The following RASSF6 variants were observed in gnomAD, a reference collection of about 807,000 sequenced individuals.
RASSF6 encodes the protein Ras association domain family member 6.
Under a neutral mutation model 44.0 loss-of-function variants are expected in RASSF6, and 52 were observed. The observed-to-expected ratio is 1.18, with a 90% CI of 0.95 to 1.49. The LOEUF is 1.49. RASSF6 is among the 40% of genes most tolerant of loss of function. RASSF6 has a pLI of 0.00. For synonymous variants in RASSF6, 162 were observed against 124.6 expected (o/e 1.30, Z -2.00); for missense variants, 464 against 393.3 (o/e 1.18, Z -1.52).
chr4:73,611,671 C>T lies in RASSF6; in HGVS notation c.65+60G>A, dbSNP rs371714116. On this transcript the variant is annotated intron_variant, in intron 2 of 10. Transcript: ENST00000307439. ...ATACATCATGCTTAGAAAACTTTGA[C>T]GGTATATTCCACAAATGACTGGTGA... 2.9e-4 allele frequency: 300 copies of T among 1,046,572 alleles called. 1 individual carries two copies. In the African/African-American group the frequency reaches 3.5e-3, roughly 12 times the overall value. The allele number at this position is 1,046,572 out of a possible 1,614,324, so 64.8% of individuals were successfully genotyped here. A position where few individuals can be genotyped will look rare whatever the true frequency, so the allele number is the denominator to read the frequency against.
In RASSF6 at chr4:73,574,775, T is replaced by A. The variant is rs1723108406; in HGVS notation, c.*1460A>T. On this transcript the variant is annotated 3_prime_UTR_variant, in exon 11 of 11. Transcript: ENST00000307439. The stretch of plus-strand genomic sequence containing the variant: ...TTTTTCTTTTCATATCTACCTTTTT[T>A]TTCTATGTAAGACTTGGTTCTTCTC... The A allele has an allele frequency of 6.6e-6, 1 of 152,166 alleles. No homozygotes were observed. The highest frequency in any genetic ancestry group is 6.5e-5 in the Admixed American group (1 of 15,272). 9.4% of individuals were successfully genotyped at this position (152,166 alleles called of 1,614,324 possible).
At chr4:73,612,672 C>T (rs1726108682) in intron 1 of RASSF6, among the ~76,000 whole-genome samples, 1 of 151,962 alleles carries the variant, frequency 6.6e-6, no homozygotes, top group Admixed American at 6.6e-5. Context: ...ATCTCTGATG[C>T]ATATTTTTCT....
chr4:73,579,573 G>C (rs1349832280), intron 8 of RASSF6, among the ~76,000 whole-genome samples: 1 of 151,930 alleles, frequency 6.6e-6, no homozygotes. Flanking sequence ...TATTTAACTG[G>C]TTATTATGGT....
chr4:73,592,150 G>T (rs1337932324), intron 4 of RASSF6, among the ~76,000 whole-genome samples: 1 of 152,234 alleles, frequency 6.6e-6, no homozygotes, highest in Non-Finnish European at 1.5e-5. Flanking sequence ...TGCATGAAAT[G>T]TGTAGGGAAT....
chr4:73,593,554 T>A lies in RASSF6; in HGVS notation c.184A>T (p.Ile62Phe). The A allele has an allele frequency of 1.9e-6, 3 of 1,613,552 alleles. No homozygotes were observed. The highest frequency in any genetic ancestry group is 8.5e-7 in the Non-Finnish European group (1 of 1,179,788). Residue 62 changes from isoleucine (I) to phenylalanine (F), a missense_variant, in exon 4 of 11, where the codon ATT (isoleucine) becomes TTT (phenylalanine). Coordinates refer to ENST00000307439, the MANE Select transcript of RASSF6 (RefSeq NM_177532.5). ...ATAGGTCGTTTTACTCCCCAGAAAA[T>A]GTCCAGCATTCCTTCAACAATTAGT... ...GKLIVEGMLD[I>F]FWGVKRPIQL...
chr4:73,592,721 A>G (rs1462957876), intron 4 of RASSF6, among the ~76,000 whole-genome samples: 1 of 152,232 alleles, frequency 6.6e-6, no homozygotes, highest in Non-Finnish European at 1.5e-5. Context: ...TTTCCTTGGT[A>G]GAAAGCACAA....
At chr4:73,613,423 G>T (rs1054272247) in intron 1 of RASSF6, among the ~76,000 whole-genome samples, 1 of 152,176 alleles carries the variant, frequency 6.6e-6, no homozygotes, top group East Asian at 1.9e-4. Flanking sequence ...GGTTACACAG[G>T]TTCCTCCAGC....
intron 5 of RASSF6, among the ~76,000 whole-genome samples, chr4:73,585,816 AT>A (rs1021434734): frequency 4.0e-5 from 6 of 151,566 alleles, no homozygotes; most frequent in East Asian, 3.9e-4. Flanking sequence ...CTGGATCCTT[AT>A]TTTTTTATTT....
chr4:73,582,417 TTTTG>T (rs141070355), intron 6 of RASSF6, 127 bp from the exon 7 acceptor site: 119,340 of 454,938 alleles, frequency 0.26, 17,017 homozygotes, highest in Admixed American at 0.4. Flanking sequence ...TTTGTTTTGT[TTTTG>T]TTTGTTTTTC....
rs952783814 is a variant in RASSF6, at chr4:73,576,064, C to A, written c.*171G>T. 2 of 480,242 alleles carry A rather than the reference C, an allele frequency of 4.2e-6. No homozygotes were observed. The highest frequency in any genetic ancestry group is 3.9e-5 in the Admixed American group (1 of 25,750). The allele number at this position is 480,242 out of a possible 1,614,324, so 29.7% of individuals were successfully genotyped here. ...CAAACTCATTTTGTCCAACTGTGAA[C>A]CCTAATTAACCTCATCACTTCAAAA... is the stretch of plus-strand genomic sequence containing the variant. On this transcript the variant is annotated 3_prime_UTR_variant, in exon 11 of 11. Coordinates refer to ENST00000307439, the MANE Select transcript of RASSF6 (RefSeq NM_177532.5).
rs1389021709 is a variant in RASSF6, at chr4:73,573,394, C to A, written c.*2841G>T. On this transcript the variant is annotated 3_prime_UTR_variant, in exon 11 of 11. Transcript: ENST00000307439. ...CCACCTACCTTGGCCTCCTAAAGTG[C>A]TGGGATTACAGGCGTGAGCCACCGT... The A allele has an allele frequency of 6.6e-6, 1 of 152,180 alleles. No homozygotes were observed. Among genetic ancestry groups the A allele is most frequent in the African/African-American group, 2.4e-5 (1 of 41,438 alleles). 9.4% of individuals were successfully genotyped at this position (152,180 alleles called of 1,614,324 possible). A position where few individuals can be genotyped will look rare whatever the true frequency, so the allele number is the denominator to read the frequency against.
intron 3 of RASSF6, among the ~76,000 whole-genome samples, chr4:73,594,747 A>G (rs1024436506): frequency 1.3e-5 from 2 of 152,228 alleles, no homozygotes; most frequent in Admixed American, 1.3e-4. Context: ...AACACAATTT[A>G]TTCCTTGAAA....
At chr4:73,619,093 A>G (rs1428414983) in intron 1 of RASSF6, among the ~76,000 whole-genome samples, 1 of 152,226 alleles carries the variant, frequency 6.6e-6, no homozygotes, top group Non-Finnish European at 1.5e-5. Flanking sequence ...AAATATAAAG[A>G]CATGGATTAT....
chr4:73,585,850 A>G (rs778171540), intron 5 of RASSF6, among the ~76,000 whole-genome samples: 7 of 151,302 alleles, frequency 4.6e-5, no homozygotes, highest in Non-Finnish European at 1.0e-4. Flanking sequence ...TATTATTATT[A>G]TACTTTAAGT....
chr4:73,593,960 T>G (rs1724755218), intron 3 of RASSF6, among the ~76,000 whole-genome samples: 1 of 152,136 alleles, frequency 6.6e-6, no homozygotes, highest in Non-Finnish European at 1.5e-5. Flanking sequence ...AACTAGAAAT[T>G]AGAAAAAAAC....
intron 1 of RASSF6, among the ~76,000 whole-genome samples, chr4:73,616,267 A>ATCTG (rs1726357957): frequency 6.6e-6 from 1 of 151,868 alleles, no homozygotes. Context: ...CTATCTATCT[A>ATCTG]TACATATATA....
At chr4:73,578,560 C>T (rs757527473) in intron 8 of RASSF6, among the ~76,000 whole-genome samples, 3 of 152,074 alleles carry the variant, frequency 2.0e-5, no homozygotes, top group Non-Finnish European at 4.4e-5. Context: ...CCCCCTCACA[C>T]AACTCATAAT....
chr4:73,573,024 G>C lies in RASSF6; in HGVS notation c.*3211C>G, dbSNP rs1578007970. 6.6e-6 allele frequency: 1 copy of C among 151,602 alleles called. No homozygotes were observed. 9.4% of individuals were successfully genotyped at this position (151,602 alleles called of 1,614,324 possible). ...TAAATATTTTGGAACATGTGTATGT[G>C]TATATTCTTATTTAGATATATAAGA... is the stretch of plus-strand genomic sequence containing the variant. On this transcript the variant is annotated 3_prime_UTR_variant, in exon 11 of 11. Coordinates refer to ENST00000307439, the MANE Select transcript of RASSF6 (RefSeq NM_177532.5).
chr4:73,617,123 G>A (rs1009386674), intron 1 of RASSF6, among the ~76,000 whole-genome samples: 3 of 152,206 alleles, frequency 2.0e-5, no homozygotes, highest in Non-Finnish European at 2.9e-5. Flanking sequence ...ATTGGTTGCA[G>A]TCAGTGATTG....
Sources: allele counts gnomAD v4.1 joint callset (sites outside exome capture counted in the v4.1 genomes callset), GRCh38; gene constraint gnomAD v4.1.1; transcripts MANE v1.5; gene names NCBI Gene and HGNC (gene_info 2026-07-23, HGNC 2026-07-21).